Variants in SRGAP3 observed in about 807,000 individuals in gnomAD.
SRGAP3 encodes the protein SLIT-ROBO Rho GTPase-activating protein 3.
A neutral mutation model predicts 121.1 loss-of-function variants in SRGAP3; 39 were observed. The observed-to-expected ratio is 0.32, with a 90% CI of 0.25 to 0.42. The LOEUF is 0.42. Among genes scored for constraint, SRGAP3 ranks in the 10% least tolerant of loss-of-function variants. The pLI, the probability that SRGAP3 is intolerant of heterozygous loss-of-function variation, is 1.00. For missense variants in SRGAP3, 1,213 were observed against 1,470.6 expected (o/e 0.82, Z 2.86); for synonymous variants, 601 against 570.0 (o/e 1.05, Z -0.77).
chr3:9,230,215 T>C (rs1953149437), intron 1 of SRGAP3, among the ~76,000 whole-genome samples: 1 of 152,190 alleles, frequency 6.6e-6, no homozygotes, highest in South Asian at 2.1e-4. Context: ...ATTATTATTA[T>C]TACAGATGAT....
intron 4 of SRGAP3, among the ~76,000 whole-genome samples, chr3:9,069,675 G>A (rs974583634): frequency 2.0e-5 from 3 of 152,210 alleles, no homozygotes; most frequent in Admixed American, 6.5e-5. Flanking sequence ...CGGGCTGGGC[G>A]CGGTGGCTCA....
rs533471050 is a variant in SRGAP3, at chr3:9,092,178, C to T, written c.424-12091G>A. 5.3e-5 allele frequency among the ~76,000 whole-genome samples: 8 copies of T among 151,762 alleles called. No individual in the cohort carries two copies. In the South Asian group the frequency reaches 1.7e-3, roughly 31 times the overall value. The stretch of plus-strand genomic sequence containing the variant: ...GGGACCCTGTTTATGCTGAAAGCTT[C>T]ACTTTCAGAACTGCTTTACGTAACA... On this transcript the variant is annotated intron_variant, in intron 3 of 21. Coordinates refer to ENST00000383836, the MANE Select transcript of SRGAP3 (RefSeq NM_014850.4).
intron 12 of SRGAP3, among the ~76,000 whole-genome samples, chr3:9,029,325 C>T (rs1484757585): frequency 1.3e-5 from 2 of 152,124 alleles, no homozygotes; most frequent in African/African-American, 4.8e-5. Flanking sequence ...GAGGATTCTC[C>T]CCTTGTCCCA....
intron 2 of SRGAP3, among the ~76,000 whole-genome samples, chr3:9,118,420 T>C (rs1347965715): frequency 6.6e-6 from 1 of 152,154 alleles, no homozygotes; most frequent in Non-Finnish European, 1.5e-5. Context: ...GAGGCAGGTT[T>C]GGGGGCCCCA....
chr3:9,344,093 G>C (rs1270905534), intron 1 of SRGAP3, among the ~76,000 whole-genome samples: 1 of 152,204 alleles, frequency 6.6e-6, no homozygotes, highest in African/African-American at 2.4e-5. Context: ...GCCAAGACGG[G>C]CAGATCACCT....
At position 9,025,352 on chromosome 3, in the gene SRGAP3, A is replaced by G. The variant is rs1288714175; in HGVS notation, c.1601-14T>C. Reference sequence around the variant, plus strand: ...GCTGCTGGAGTCCTAAAAAAGAAACATACAGAAAAAGAAATAGTAAATCCA... The same window carrying G: ...GCTGCTGGAGTCCTAAAAAAGAAACGTACAGAAAAAGAAATAGTAAATCCA... On this transcript the variant is annotated splice_polypyrimidine_tract_variant and intron_variant, in intron 13 of 21. Coordinates refer to ENST00000383836, the MANE Select transcript of SRGAP3 (RefSeq NM_014850.4). 1 of 1,613,948 alleles carries G rather than the reference A, an allele frequency of 6.2e-7. No homozygotes were observed.
At chr3:9,311,556 G>A (rs1048638877) in intron 3 of SRGAP3, among the ~76,000 whole-genome samples, 9 of 152,202 alleles carry the variant, frequency 5.9e-5, no homozygotes, top group Non-Finnish European at 1.3e-4. Flanking sequence ...ACCAATGAAT[G>A]CGTGTGGCTG....
chr3:8,989,208 C>A (rs1941898089), intron 21 of SRGAP3, among the ~76,000 whole-genome samples: 1 of 152,226 alleles, frequency 6.6e-6, no homozygotes, highest in African/African-American at 2.4e-5. Flanking sequence ...AGGCCTCAGG[C>A]CATCCTCTAT....
At chr3:9,306,910 G>A (rs1003532450) in intron 3 of SRGAP3, among the ~76,000 whole-genome samples, 6 of 152,286 alleles carry the variant, frequency 3.9e-5, no homozygotes, top group African/African-American at 4.8e-5. Context: ...GTTCATAAGC[G>A]AGATGTTTGT....
At chr3:9,177,063 T>C (rs1260854425) in intron 1 of SRGAP3, among the ~76,000 whole-genome samples, 1 of 152,202 alleles carries the variant, frequency 6.6e-6, no homozygotes, top group Non-Finnish European at 1.5e-5. Context: ...GTTCTTAACC[T>C]GAAGTTCAGA....
intron 7 of SRGAP3, among the ~76,000 whole-genome samples, chr3:9,057,872 C>A (rs564731913): frequency 6.6e-6 from 1 of 152,154 alleles, no homozygotes; most frequent in African/African-American, 2.4e-5. Flanking sequence ...AGGAAGGGAG[C>A]GCCCTGGTGG....
At chr3:9,198,326 T>G (rs1276384879) in intron 1 of SRGAP3, among the ~76,000 whole-genome samples, 1 of 152,254 alleles carries the variant, frequency 6.6e-6, no homozygotes, top group Non-Finnish European at 1.5e-5. Context: ...TTTCTCTACA[T>G]AGGCCCACTG....
chr3:9,305,491 T>A (rs547759533), intron 3 of SRGAP3, among the ~76,000 whole-genome samples: 1 of 151,992 alleles, frequency 6.6e-6, no homozygotes, highest in East Asian at 1.9e-4. Context: ...ACATGTGCCA[T>A]GTTGGTTTGC....
At chr3:8,999,271 C>A (rs1703131) in intron 18 of SRGAP3, among the ~76,000 whole-genome samples, 91,097 of 151,982 alleles carry the variant, frequency 0.6, 28,126 homozygotes, top group African/African-American at 0.75. Context: ...AGGGGAGAGG[C>A]TGGAGGCAGC....
chr3:8,991,179 T>C (rs552430010), intron 20 of SRGAP3, among the ~76,000 whole-genome samples: 38 of 152,290 alleles, frequency 2.5e-4, no homozygotes, highest in Middle Eastern at 3.4e-3. Context: ...TGATGGTTAG[T>C]TGGGCTCATG....
intron 3 of SRGAP3, among the ~76,000 whole-genome samples, chr3:9,315,996 A>G (rs550383916): frequency 3.9e-4 from 60 of 152,348 alleles, no homozygotes; most frequent in African/African-American, 1.4e-3. Context: ...ACGAAAGTGG[A>G]TCACAGGTTA....
At chr3:9,244,217 C>A (rs922422935) in intron 1 of SRGAP3, among the ~76,000 whole-genome samples, 1 of 152,108 alleles carries the variant, frequency 6.6e-6, no homozygotes, top group Non-Finnish European at 1.5e-5. Flanking sequence ...ATTTTTATCA[C>A]CATATTCCAA....
intron 1 of SRGAP3, among the ~76,000 whole-genome samples, chr3:9,169,351 T>C (rs997738564): frequency 8.5e-5 from 13 of 152,134 alleles, no homozygotes; most frequent in African/African-American, 3.1e-4. Flanking sequence ...ATTATATCTG[T>C]TTATGTCCAG....
intron 3 of SRGAP3, among the ~76,000 whole-genome samples, chr3:9,299,051 CAAAAAAA>C (rs71049787): frequency 7.1e-5 from 5 of 70,400 alleles, no homozygotes; most frequent in Non-Finnish European, 1.3e-4. Flanking sequence ...GACTCCATCT[CAAAAAAA>C]AAAAAAAAAA....
Sources: gnomAD v4.1 joint callset for allele counts (sites outside exome capture counted in the v4.1 genomes callset) on GRCh38, gnomAD v4.1.1 for gene constraint, MANE v1.5 for transcripts, NCBI Gene and HGNC (gene_info 2026-07-23, HGNC 2026-07-21) for gene names.